Variants in MEI4 observed in about 807,000 individuals in gnomAD.
The protein encoded by MEI4 is meiotic double-stranded break formation protein 4, also known as meiosis-specific protein MEI4.
In MEI4, 27 loss-of-function variants were observed where a neutral mutation model predicts 31.4. That is an observed-to-expected ratio of 0.86 (90% CI 0.63 to 1.19). The LOEUF is 1.19. MEI4 is among the 50% of genes most tolerant of loss of function. The probability of loss-of-function intolerance (pLI) is 0.00; values close to 1 mark genes in which losing one functional copy is unlikely to be tolerated. For missense variants in MEI4, 329 were observed against 398.9 expected (o/e 0.82, Z 1.49); for synonymous variants, 122 against 145.4 (o/e 0.84, Z 1.16).
intron 2 of MEI4, among the ~76,000 whole-genome samples, chr6:77,702,347 G>T (rs192221100): frequency 6.6e-6 from 1 of 152,168 alleles, no homozygotes; most frequent in Non-Finnish European, 1.5e-5. Context: ...AATTCAATGC[G>T]TAAGCATTTC....
intron 4 of MEI4, among the ~76,000 whole-genome samples, chr6:77,886,916 A>G (rs1771633205): frequency 6.6e-6 from 1 of 151,586 alleles, no homozygotes; most frequent in South Asian, 2.1e-4. Context: ...TAAGTTTTTG[A>G]TTAATTTATC....
intron 3 of MEI4, among the ~76,000 whole-genome samples, chr6:77,787,328 T>C (rs1768766273): frequency 6.6e-6 from 1 of 152,256 alleles, no homozygotes; most frequent in African/African-American, 2.4e-5. Flanking sequence ...AAGCTGACCT[T>C]CAGTTTATTT....
At chr6:77,739,708 A>C (rs1271569487) in intron 2 of MEI4, among the ~76,000 whole-genome samples, 3 of 152,018 alleles carry the variant, frequency 2.0e-5, no homozygotes, top group Non-Finnish European at 4.4e-5. Flanking sequence ...CGTTCTGCAC[A>C]TGTATCCCAG....
At chr6:77,741,785 ACAGTCCC>A (rs1026211854) in intron 2 of MEI4, among the ~76,000 whole-genome samples, 1 of 98,600 alleles carries the variant, frequency 1.0e-5, no homozygotes, top group Non-Finnish European at 1.9e-5. Flanking sequence ...CCACCCCACA[ACAGTCCC>A]CAGAGTGTGA....
chr6:77,697,642 T>C (rs1264442574), intron 2 of MEI4, among the ~76,000 whole-genome samples: 4 of 152,164 alleles, frequency 2.6e-5, no homozygotes, highest in African/African-American at 7.2e-5. Context: ...CAGTTTGTTA[T>C]AATTTCTGAT....
chr6:77,788,843 G>T (rs7745445), intron 3 of MEI4, among the ~76,000 whole-genome samples: 31,931 of 152,080 alleles, frequency 0.21, 3,807 homozygotes, highest in African/African-American at 0.32. Context: ...GTAATTTACA[G>T]ATTCAATGCC....
At chr6:77,736,847 A>G (rs1767253134) in intron 2 of MEI4, among the ~76,000 whole-genome samples, 1 of 132,304 alleles carries the variant, frequency 7.6e-6, no homozygotes, top group African/African-American at 3.1e-5. Context: ...ATTTTGTCTT[A>G]GAGAACAGGA....
intron 2 of MEI4, among the ~76,000 whole-genome samples, chr6:77,743,533 G>A (rs1027728608): frequency 6.6e-6 from 1 of 152,210 alleles, no homozygotes; most frequent in Non-Finnish European, 1.5e-5. Context: ...TGAGATGACG[G>A]GGTTTTCTAG....
At chr6:77,890,248 G>T (rs1281556008) in intron 4 of MEI4, among the ~76,000 whole-genome samples, 1 of 152,132 alleles carries the variant, frequency 6.6e-6, no homozygotes, top group Non-Finnish European at 1.5e-5. Flanking sequence ...TGGGAGGGGA[G>T]CTATACCCTG....
chr6:77,765,928 G>A (rs1421246524), intron 3 of MEI4, among the ~76,000 whole-genome samples: 2 of 151,980 alleles, frequency 1.3e-5, no homozygotes, highest in Admixed American at 1.3e-4. Flanking sequence ...AGTATCGCAA[G>A]GACAAAAAAC....
intron 4 of MEI4, among the ~76,000 whole-genome samples, chr6:77,861,845 A>G (rs1255115640): frequency 6.6e-6 from 1 of 152,200 alleles, no homozygotes; most frequent in African/African-American, 2.4e-5. Context: ...ACTTCATGAT[A>G]GTTCTTGTAT....
intron 2 of MEI4, among the ~76,000 whole-genome samples, chr6:77,742,977 T>C (rs1274257126): frequency 6.6e-6 from 1 of 152,114 alleles, no homozygotes; most frequent in East Asian, 1.9e-4. Flanking sequence ...TCCATTGATC[T>C]ATATCTCTGT....
intron 4 of MEI4, among the ~76,000 whole-genome samples, chr6:77,829,930 G>A (rs554563739): frequency 6.6e-6 from 1 of 152,072 alleles, no homozygotes; most frequent in Middle Eastern, 3.4e-3. Context: ...TGTTTGACAT[G>A]TTGTATCTAG....
At chr6:77,890,594 C>T (rs578217842) in intron 4 of MEI4, among the ~76,000 whole-genome samples, 22 of 152,214 alleles carry the variant, frequency 1.4e-4, no homozygotes, top group African/African-American at 5.3e-4. Context: ...TGAGTTAAGA[C>T]TTTGGGGGAC....
intron 3 of MEI4, among the ~76,000 whole-genome samples, chr6:77,785,634 G>T (rs2127693053): frequency 6.6e-6 from 1 of 152,214 alleles, no homozygotes; most frequent in Non-Finnish European, 1.5e-5. Context: ...CTGCATATTT[G>T]CTTATTTTTA....
chr6:77,786,661 C>A (rs1044070948), intron 3 of MEI4, among the ~76,000 whole-genome samples: 1 of 151,842 alleles, frequency 6.6e-6, no homozygotes, highest in Non-Finnish European at 1.5e-5. Context: ...TATAGTAAAT[C>A]CAAGAGAATC....
rs186291345 is a variant in MEI4, at chr6:77,671,834, C to G, written c.-15+18742C>G. 9.9e-4 allele frequency among the ~76,000 whole-genome samples: 151 copies of G among 152,198 alleles called. 1 individual carries two copies. Among genetic ancestry groups the G allele is most frequent in the African/African-American group, 3.1e-3 (128 of 41,524 alleles). On this transcript the variant is annotated intron_variant, in intron 1 of 4. Transcript: ENST00000684080. ...ACCTATACATAGGAGATTAGGTATG[C>G]CCAGAGGGATGCTGGGATCTCAGCT...
chr6:77,876,701 C>T (rs1478907516), intron 4 of MEI4, among the ~76,000 whole-genome samples: 1 of 152,100 alleles, frequency 6.6e-6, no homozygotes, highest in Non-Finnish European at 1.5e-5. Context: ...ATGCGGTGCA[C>T]CTCTCCTTAT....
chr6:77,757,587 C>T (rs1030092190), intron 2 of MEI4, among the ~76,000 whole-genome samples: 10 of 152,202 alleles, frequency 6.6e-5, no homozygotes. Flanking sequence ...GAGAGAAAAA[C>T]TGGCAATCAC....
Sources: allele counts gnomAD v4.1 joint callset (sites outside exome capture counted in the v4.1 genomes callset), GRCh38; gene constraint gnomAD v4.1.1; transcripts MANE v1.5; gene names NCBI Gene and HGNC (gene_info 2026-07-23, HGNC 2026-07-21).